The following ANKS1A variants were observed in gnomAD, a reference collection of about 807,000 sequenced individuals.
The protein encoded by ANKS1A is ankyrin repeat and sterile alpha motif domain containing 1A, also known as ankyrin repeat and SAM domain-containing protein 1A.
Under a neutral mutation model 120.3 loss-of-function variants are expected in ANKS1A, and 55 were observed. That is an observed-to-expected ratio of 0.46 (90% CI 0.37 to 0.57). ANKS1A has a LOEUF of 0.57. ANKS1A is among the 20% of genes least tolerant of loss of function. The pLI is 0.00. For missense variants in ANKS1A, 1,123 were observed against 1,480.3 expected, an observed-to-expected ratio of 0.76 and a Z score of 3.96; for synonymous variants, 590 against 604.7, an observed-to-expected ratio of 0.98 and a Z score of 0.36.
At position 35,090,948 on chromosome 6, in the gene ANKS1A, C is replaced by T. The variant is rs1394993280; in HGVS notation, c.*2339C>T. On this transcript the variant is annotated 3_prime_UTR_variant, in exon 24 of 24. Transcript: ENST00000360359. The stretch of plus-strand genomic sequence containing the variant: ...CAGCTCTCTGCGTCCCTCCTGGGCC[C>T]TCCAGCGTCAGACACTAATGGGAGT... 5.1e-6 allele frequency: 5 copies of T among 985,638 alleles called. No homozygotes were observed. In the African/African-American group the frequency reaches 5.2e-5, roughly 10 times the overall value. The allele number at this position is 985,638 out of a possible 1,614,324, so 61.1% of individuals were successfully genotyped here.
chr6:34,967,444 T>C, intron 2 of ANKS1A, 125 bp downstream of exon 2: 1 of 813,330 alleles, frequency 1.2e-6, no homozygotes, highest in Non-Finnish European at 1.9e-6. Context: ...TCCCAGCACT[T>C]TGGGAGGCCG....
intron 1 of ANKS1A, among the ~76,000 whole-genome samples, chr6:34,966,856 T>C (rs1231115705): frequency 6.6e-6 from 1 of 152,246 alleles, no homozygotes; most frequent in East Asian, 1.9e-4. Flanking sequence ...CTGATCTGTG[T>C]TGAGGTCTCT....
At chr6:34,893,011 G>A (rs1397588992) in intron 1 of ANKS1A, among the ~76,000 whole-genome samples, 1 of 152,146 alleles carries the variant, frequency 6.6e-6, no homozygotes, top group African/African-American at 2.4e-5. Context: ...GCATGTTATA[G>A]CATTAAGACC....
intron 1 of ANKS1A, among the ~76,000 whole-genome samples, 156 bp from the exon 2 acceptor site, chr6:34,967,083 G>A (rs187833871): frequency 2.0e-5 from 3 of 152,356 alleles, no homozygotes; most frequent in African/African-American, 7.2e-5. Context: ...TCTCTGCAGT[G>A]TATAGCTGCT....
At chr6:34,906,815 G>C (rs887128037) in intron 1 of ANKS1A, among the ~76,000 whole-genome samples, 9 of 152,190 alleles carry the variant, frequency 5.9e-5, no homozygotes, top group African/African-American at 2.2e-4. Flanking sequence ...CCTCTCTCTA[G>C]GAGATGGAAT....
rs930851099 is a variant in ANKS1A, at chr6:35,044,712, A to G, written c.2011-9387A>G. 2.0e-5 allele frequency among the ~76,000 whole-genome samples: 3 copies of G among 152,256 alleles called. No individual in the cohort carries two copies. The highest frequency in any genetic ancestry group is 7.2e-5 in the African/African-American group (3 of 41,474). On this transcript the variant is annotated intron_variant, in intron 11 of 23. Transcript: ENST00000360359. The surrounding 1 kb of genome is among the most constrained non-coding windows in gnomAD (Gnocchi z 4.4). ...GTTCTAAACGTTCTCTGCCAAAAGGAAGCCCTTTCCCTCTGGTGTATCTTT... is the reference window on the plus strand; with the variant it reads ...GTTCTAAACGTTCTCTGCCAAAAGGGAGCCCTTTCCCTCTGGTGTATCTTT...
chr6:35,074,214 C>T lies in ANKS1A; in HGVS notation c.2185-4344C>T, dbSNP rs1027030150. ...GGAGTTTAGAACATCACTGCGGTGC[C>T]GCAGTCACTCTTGGACGTCCACGTC... On this transcript the variant is annotated intron_variant, in intron 13 of 23. Coordinates refer to ENST00000360359, the MANE Select transcript of ANKS1A (RefSeq NM_015245.3). 1.1e-4 allele frequency among the ~76,000 whole-genome samples: 17 copies of T among 152,346 alleles called. No individual in the cohort carries two copies. In the South Asian group the frequency reaches 1.2e-3, roughly 11 times the overall value.
At chr6:34,997,491 T>C (rs1382376577) in intron 10 of ANKS1A, among the ~76,000 whole-genome samples, 2 of 152,186 alleles carry the variant, frequency 1.3e-5, no homozygotes, top group African/African-American at 4.8e-5. Context: ...GCACCAAGCC[T>C]GGCCATATTG....
At chr6:34,931,740 C>T (rs1183296418) in intron 1 of ANKS1A, among the ~76,000 whole-genome samples, 1 of 152,124 alleles carries the variant, frequency 6.6e-6, no homozygotes, top group African/African-American at 2.4e-5. Flanking sequence ...GGAGGATACC[C>T]CCTATAATCT....
At chr6:34,935,890 G>A (rs1326261324) in intron 1 of ANKS1A, among the ~76,000 whole-genome samples, 2 of 150,832 alleles carry the variant, frequency 1.3e-5, no homozygotes, top group Admixed American at 6.6e-5. Context: ...GTGAAACCCC[G>A]TCTCTACTAA....
At chr6:34,988,744 A>G (rs1045640977) in intron 8 of ANKS1A, among the ~76,000 whole-genome samples, 2 of 152,244 alleles carry the variant, frequency 1.3e-5, no homozygotes, top group Non-Finnish European at 2.9e-5. Flanking sequence ...ACATTTCAAC[A>G]GGAATTAACA....
At chr6:34,892,355 C>A (rs75127442) in intron 1 of ANKS1A, among the ~76,000 whole-genome samples, 390 of 152,272 alleles carry the variant, frequency 2.6e-3, no homozygotes, top group Non-Finnish European at 4.2e-3. Context: ...GGTAGGTTAC[C>A]TCTGCTCCCA....
At chr6:35,080,663 C>T (rs1196539893) in intron 16 of ANKS1A, among the ~76,000 whole-genome samples, 1 of 152,178 alleles carries the variant, frequency 6.6e-6, no homozygotes, top group Non-Finnish European at 1.5e-5. Context: ...CTGTTGGGGA[C>T]GGTGGCTTTA....
chr6:35,042,681 C>T (rs757345973), intron 11 of ANKS1A, among the ~76,000 whole-genome samples: 1 of 152,218 alleles, frequency 6.6e-6, no homozygotes, highest in Non-Finnish European at 1.5e-5. Context: ...CAAAGGGTGC[C>T]GGCAGGGCAC....
In ANKS1A at chr6:35,074,312, G is replaced by T. The variant is rs74886046; in HGVS notation, c.2185-4246G>T. Among the ~76,000 whole-genome samples the T allele has an allele frequency of 3.2e-4, 48 of 152,278 alleles. No individual in the cohort carries two copies. In the East Asian group the frequency reaches 8.7e-3, roughly 28 times the overall value. On this transcript the variant is annotated intron_variant, in intron 13 of 23. Coordinates refer to ENST00000360359, the MANE Select transcript of ANKS1A (RefSeq NM_015245.3). ...CCTCATAATCAGGTAGAAAGTCTGG[G>T]CCGGGGCCAGGGGCAGTGGTGCACA...
intron 1 of ANKS1A, among the ~76,000 whole-genome samples, chr6:34,908,237 G>A (rs528920613): frequency 1.3e-5 from 2 of 152,282 alleles, no homozygotes; most frequent in East Asian, 3.9e-4. Flanking sequence ...CTAGGAAGTG[G>A]GGCCCTACCT....
rs1778061046 is a variant in ANKS1A, at chr6:35,087,529, C to G, written c.3401+480C>G. ...CCAAGAGCTAGCTGACTGTTCTCAC[C>G]TCTCCTGAACCAACCAACCACTGTG... On this transcript the variant is annotated intron_variant, in intron 23 of 23. Transcript: ENST00000360359. 2.0e-5 allele frequency among the ~76,000 whole-genome samples: 3 copies of G among 152,218 alleles called. No individual in the cohort carries two copies. In the South Asian group the frequency reaches 6.2e-4, roughly 32 times the overall value.
intron 11 of ANKS1A, among the ~76,000 whole-genome samples, chr6:35,027,934 C>T (rs1774711556): frequency 2.0e-5 from 3 of 152,228 alleles, no homozygotes; most frequent in Admixed American, 1.3e-4. Flanking sequence ...TCTAATGACC[C>T]AGTCTCTGGC....
chr6:34,988,489 G>A (rs748385497), intron 8 of ANKS1A, among the ~76,000 whole-genome samples: 17 of 152,278 alleles, frequency 1.1e-4, no homozygotes, highest in South Asian at 6.2e-4. Flanking sequence ...CCAGCTACTC[G>A]GGAGGCTGAG....
Sources: gnomAD v4.1 joint callset for allele counts (sites outside exome capture counted in the v4.1 genomes callset) on GRCh38, gnomAD v4.1.1 for gene constraint, Gnocchi (gnomAD v3.1) non-coding constraint, MANE v1.5 for transcripts, NCBI Gene and HGNC (gene_info 2026-07-23, HGNC 2026-07-21) for gene names.